NALCN: variants seen among roughly 807,000 people sequenced by gnomAD.
NALCN encodes sodium leak channel NALCN.
In NALCN, 111 loss-of-function variants were observed where a neutral mutation model predicts 225.3. The ratio of observed to expected loss-of-function variants is 0.49; its 90% CI spans 0.42 to 0.58. NALCN has a LOEUF of 0.58. NALCN is among the 20% of genes least tolerant of loss of function. The pLI is 0.00. For synonymous variants in NALCN, 764 were observed against 769.0 expected (o/e 0.99, Z 0.11); for missense variants, 1,378 against 2,202.4 (o/e 0.63, Z 7.49).
chr13:101,163,618 C>T (rs9513861), intron 15 of NALCN, among the ~76,000 whole-genome samples: 37,192 of 151,880 alleles, frequency 0.24, 5,108 homozygotes, highest in Non-Finnish European at 0.31. Context: ...TCCAGGGTGG[C>T]GCAGGCTGGC....
At position 101,104,502 on chromosome 13, in the gene NALCN, G is replaced by A. The variant is rs1268700175; in HGVS notation, c.2757+28C>T. The A allele has an allele frequency of 1.2e-6, 2 of 1,613,720 alleles. No homozygotes were observed. The highest frequency in any genetic ancestry group is 1.7e-6 in the Non-Finnish European group (2 of 1,179,744). On this transcript the variant is annotated intron_variant, in intron 24 of 43. Transcript: ENST00000251127. The surrounding 1 kb of genome is among the most constrained non-coding windows in gnomAD (Gnocchi z 4.2). ...TCAGTATTTTACCTCCTAGTTGTAAGCTGAGATTTTGCAGCGGTAAGCGGT... is the reference window on the plus strand; with the variant it reads ...TCAGTATTTTACCTCCTAGTTGTAAACTGAGATTTTGCAGCGGTAAGCGGT...
At chr13:101,373,033 G>A (rs1180526381) in intron 6 of NALCN, 1 of 383,024 alleles carries the variant, frequency 2.6e-6, no homozygotes. Context: ...ACATTCAAAA[G>A]ATAATCAGAG....
chr13:101,266,807 A>G (rs966471188), intron 10 of NALCN, among the ~76,000 whole-genome samples: 1 of 152,258 alleles, frequency 6.6e-6, no homozygotes, highest in Non-Finnish European at 1.5e-5. Flanking sequence ...CCCATTTGCA[A>G]GTGGGACATC....
At chr13:101,258,407 C>T in intron 11 of NALCN, 36 bp downstream of exon 11, 2 of 1,613,028 alleles carry the variant, frequency 1.2e-6, no homozygotes, top group South Asian at 1.1e-5. Context: ...TCACCTGCTC[C>T]TTGCCCAGCG....
At chr13:101,383,695 G>A (rs9557632) in intron 3 of NALCN, among the ~76,000 whole-genome samples, 83,801 of 152,040 alleles carry the variant, frequency 0.55, 24,786 homozygotes, top group African/African-American at 0.78. Flanking sequence ...GAAATTATTT[G>A]TATGCTTCTA....
intron 13 of NALCN, among the ~76,000 whole-genome samples, chr13:101,225,437 C>A (rs1486363095): frequency 6.6e-5 from 10 of 152,162 alleles, no homozygotes; most frequent in African/African-American, 2.2e-4. Context: ...CAAGTCATTC[C>A]TTTAATGGCT....
rs955493392 is a variant in NALCN, at chr13:101,376,689, G to A, written c.644+11C>T. Reference sequence around the variant, plus strand: ...CAACTAGATTAAAATGCAGTTAATAGATAAACTTACCCTGGCTTTGTGTCA... The same window carrying A: ...CAACTAGATTAAAATGCAGTTAATAAATAAACTTACCCTGGCTTTGTGTCA... On this transcript the variant is annotated intron_variant, in intron 6 of 43. Coordinates refer to ENST00000251127, the MANE Select transcript of NALCN (RefSeq NM_052867.4). 2 of 1,587,822 alleles carry A rather than the reference G, an allele frequency of 1.3e-6. No homozygotes were observed. Among genetic ancestry groups the A allele is most frequent in the East Asian group, 4.5e-5 (2 of 44,722 alleles).
At chr13:101,240,096 T>G (rs1015132230) in intron 11 of NALCN, among the ~76,000 whole-genome samples, 1 of 152,112 alleles carries the variant, frequency 6.6e-6, no homozygotes, top group African/African-American at 2.4e-5. Flanking sequence ...ATTTTTTCCC[T>G]AGCCAACAGT....
At chr13:101,373,198 C>G (rs1285412299) in intron 6 of NALCN, 1 of 201,918 alleles carries the variant, frequency 5.0e-6, no homozygotes, top group Non-Finnish European at 1.0e-5. Context: ...AACGTTCTCA[C>G]AAAGAAAATT....
At chr13:101,134,955 G>A (rs566382335) in intron 17 of NALCN, among the ~76,000 whole-genome samples, 10 of 152,192 alleles carry the variant, frequency 6.6e-5, no homozygotes, top group Non-Finnish European at 1.2e-4. Flanking sequence ...AGCACTTTGG[G>A]AGGCCGAGGC....
intron 14 of NALCN, among the ~76,000 whole-genome samples, chr13:101,176,928 T>G (rs953336085): frequency 2.6e-5 from 4 of 152,214 alleles, no homozygotes; most frequent in African/African-American, 9.6e-5. Context: ...ACTGAATATG[T>G]CTGGCCTGTG....
At position 101,376,773 on chromosome 13, in the gene NALCN, G is replaced by C; in HGVS notation, c.571C>G (p.Leu191Val). 6.2e-7 allele frequency: 1 copy of C among 1,613,496 alleles called. No individual in the cohort carries two copies. Among genetic ancestry groups the C allele is most frequent in the Non-Finnish European group, 8.5e-7 (1 of 1,179,856 alleles). The change falls in exon 6 of 44, where the codon CTT (leucine) becomes GTT (valine). Residue 191 changes from leucine (L) to valine (V), a missense_variant. Physicochemically the swap from Leu to Val is conservative, Grantham distance 32. This residue lies in a region of NALCN where 14 missense variants were observed against 58.2 expected (regional missense o/e 0.24). Coordinates refer to ENST00000251127, the MANE Select transcript of NALCN (RefSeq NM_052867.4). ...ATCTGAACTCCTAAAATTCCATAAAGAAGTAGAAAGAAAAGTAGAAAAATG... is the reference window on the plus strand; with the variant it reads ...ATCTGAACTCCTAAAATTCCATAAACAAGTAGAAAGAAAAGTAGAAAAATG... ...VSIFLLFFLL[L>V]YGILGVQMFG... is the part of the protein sequence containing the mutation.
chr13:101,176,430 T>C (rs919092043), intron 14 of NALCN, 56 bp from the exon 15 acceptor site: 47 of 1,332,892 alleles, frequency 3.5e-5, no homozygotes, highest in Non-Finnish European at 4.9e-5. Flanking sequence ...TATCAAAATA[T>C]TATATGTATA....
intron 13 of NALCN, among the ~76,000 whole-genome samples, chr13:101,222,144 T>C (rs1352808681): frequency 6.6e-6 from 1 of 152,194 alleles, no homozygotes; most frequent in African/African-American, 2.4e-5. Flanking sequence ...GGCATATTTT[T>C]CAAAACAACT....
intron 43 of NALCN, among the ~76,000 whole-genome samples, chr13:101,056,081 C>T (rs2031206895): frequency 1.3e-5 from 2 of 152,096 alleles, no homozygotes; most frequent in South Asian, 4.1e-4. Flanking sequence ...CATGAGATGA[C>T]TTAGGAAAGT....
intron 14 of NALCN, among the ~76,000 whole-genome samples, chr13:101,183,480 G>A (rs551635747): frequency 1.2e-4 from 18 of 152,182 alleles, no homozygotes; most frequent in African/African-American, 4.3e-4. Context: ...GATTGATTGA[G>A]GCAGAGTCTC....
intron 7 of NALCN, among the ~76,000 whole-genome samples, chr13:101,315,146 T>C (rs763059315): frequency 2.6e-5 from 4 of 152,116 alleles, no homozygotes; most frequent in South Asian, 2.1e-4. Context: ...TAGGGAAAAA[T>C]TGGTCAAAAT....
At chr13:101,167,356 T>C (rs9518319) in intron 15 of NALCN, among the ~76,000 whole-genome samples, 1 of 152,260 alleles carries the variant, frequency 6.6e-6, no homozygotes, top group Non-Finnish European at 1.5e-5. Flanking sequence ...CAGAATGTCT[T>C]TTCACTTGCA....
chr13:101,240,722 T>G lies in NALCN; in HGVS notation c.1267-2800A>C, dbSNP rs2041728911. 5.3e-5 allele frequency among the ~76,000 whole-genome samples: 8 copies of G among 152,260 alleles called. No homozygotes were observed. In the South Asian group the frequency reaches 1.7e-3, roughly 32 times the overall value. ...CATATATAGTGGTTGAAATGAGTCT[T>G]GGTGATTAATTTTTATCATGTTTAA... On this transcript the variant is annotated intron_variant, in intron 11 of 43. Transcript: ENST00000251127.
Sources: gnomAD v4.1 joint callset for allele counts (sites outside exome capture counted in the v4.1 genomes callset) on GRCh38, gnomAD v4.1.1 for gene constraint, gnomAD v4.1.1 regional missense constraint, Gnocchi (gnomAD v3.1) non-coding constraint, MANE v1.5 for transcripts, NCBI Gene and HGNC (gene_info 2026-07-23, HGNC 2026-07-21) for gene names.